Variants in VPS13A observed in about 807,000 individuals in gnomAD.
VPS13A encodes intermembrane lipid transfer protein VPS13A.
A neutral mutation model predicts 390.9 loss-of-function variants in VPS13A; 264 were observed. That is an observed-to-expected ratio of 0.68 (90% CI 0.61 to 0.75). The LOEUF is 0.75. VPS13A is among the 30% of genes least tolerant of loss of function. VPS13A has a pLI of 0.00. For missense variants in VPS13A, 3,409 were observed against 3,733.9 expected, an observed-to-expected ratio of 0.91 and a Z score of 2.27; for synonymous variants, 1,231 against 1,227.1, an observed-to-expected ratio of 1.00 and a Z score of -0.07.
At chr9:77,392,244 A>G (rs530239325) in intron 68 of VPS13A, among the ~76,000 whole-genome samples, 8 of 152,274 alleles carry the variant, frequency 5.3e-5, no homozygotes, top group South Asian at 4.2e-4. Context: ...AGTTTGTGAG[A>G]TATCTAAATC....
chr9:77,373,982 G>T (rs1832936175), intron 67 of VPS13A, among the ~76,000 whole-genome samples: 1 of 152,176 alleles, frequency 6.6e-6, no homozygotes, highest in South Asian at 2.1e-4. Context: ...AGTTTGGCAA[G>T]TTAAGCAAGC....
rs757790024 is a variant in VPS13A, at chr9:77,220,434, AAAT to A, written c.989+54_989+56del. 2.3e-5 allele frequency: 29 copies of A among 1,254,028 alleles called. No individual in the cohort carries two copies. The East Asian group carries it at 6.8e-4, about 29-fold the overall frequency. The allele number at this position is 1,254,028 out of a possible 1,614,324, so 77.7% of individuals were successfully genotyped here. A position where few individuals can be genotyped will look rare whatever the true frequency, so the allele number is the denominator to read the frequency against. ...TTTAGATTTTAAAAATACAACATAA[AAAT>A]AAATTTCTCGACTTCAAGAATAATC... On this transcript the variant is annotated intron_variant, in intron 12 of 71. Coordinates refer to ENST00000360280, the MANE Select transcript of VPS13A (RefSeq NM_033305.3).
chr9:77,283,291 A>G, intron 29 of VPS13A, 64 bp from the exon 30 acceptor site: 1 of 915,064 alleles, frequency 1.1e-6, no homozygotes, highest in South Asian at 1.4e-5. Flanking sequence ...TTACTTTATA[A>G]GTATAGTGAG....
intron 34 of VPS13A, among the ~76,000 whole-genome samples, chr9:77,307,595 A>G (rs1377195173): frequency 6.6e-6 from 1 of 152,238 alleles, no homozygotes; most frequent in Non-Finnish European, 1.5e-5. Context: ...TTTATTCTAC[A>G]TTTGTAAAAT....
At chr9:77,399,860 G>A (rs1587720625) in intron 68 of VPS13A, among the ~76,000 whole-genome samples, 2 of 152,086 alleles carry the variant, frequency 1.3e-5, no homozygotes, top group South Asian at 2.1e-4. Flanking sequence ...ATACATGTAC[G>A]TACAAATATA....
chr9:77,373,624 A>T (rs1004608646), intron 67 of VPS13A, among the ~76,000 whole-genome samples: 11 of 151,022 alleles, frequency 7.3e-5, no homozygotes, highest in Non-Finnish European at 1.6e-4. Context: ...ACAAAAGCCA[A>T]AATTGACAAA....
chr9:77,238,782 T>C (rs1824298379), intron 19 of VPS13A, among the ~76,000 whole-genome samples: 1 of 152,210 alleles, frequency 6.6e-6, no homozygotes, highest in Non-Finnish European at 1.5e-5. Context: ...GATTTCTTCC[T>C]TAAATATTTG....
chr9:77,381,720 A>C (rs1246358182), intron 67 of VPS13A, among the ~76,000 whole-genome samples: 1 of 152,182 alleles, frequency 6.6e-6, no homozygotes, highest in Non-Finnish European at 1.5e-5. Flanking sequence ...TAGACAACGT[A>C]ATAGGAAAAG....
At position 77,400,223 on chromosome 9, in the gene VPS13A, A is replaced by ATTTTTTTTTTTTTTT. The variant is rs34605855; in HGVS notation, c.9190-3005_9190-2991dup. ...ATATTTTCTCATGTTTATCAGTCAG[A>ATTTTTTTTTTTTTTT]TTTTTTTTTTTTTTTTTTTTTTGCT... On this transcript the variant is annotated intron_variant, in intron 68 of 71. Coordinates refer to ENST00000360280, the MANE Select transcript of VPS13A (RefSeq NM_033305.3). Among the ~76,000 whole-genome samples, 45 of 88,112 alleles carry ATTTTTTTTTTTTTTT rather than the reference A, an allele frequency of 5.1e-4. 1 individual carries two copies. The highest frequency in any genetic ancestry group is 1.7e-3 in the African/African-American group (33 of 19,604). 57.8% of individuals were successfully genotyped at this position (88,112 alleles called of 152,430 possible).
chr9:77,240,552 G>T (rs1403757319), intron 19 of VPS13A, among the ~76,000 whole-genome samples: 2 of 142,138 alleles, frequency 1.4e-5, no homozygotes, highest in African/African-American at 5.3e-5. Flanking sequence ...ATCTCGGCTC[G>T]CTGCAACCTC....
intron 23 of VPS13A, among the ~76,000 whole-genome samples, chr9:77,266,520 A>G (rs1384913609): frequency 1.3e-5 from 2 of 152,028 alleles, no homozygotes; most frequent in African/African-American, 4.8e-5. Flanking sequence ...GGGTTTCTGC[A>G]GAGAGCTCTG....
intron 67 of VPS13A, among the ~76,000 whole-genome samples, chr9:77,373,700 A>G (rs1832913561): frequency 6.6e-6 from 1 of 151,592 alleles, no homozygotes; most frequent in Non-Finnish European, 1.5e-5. Flanking sequence ...TGGACAGGCA[A>G]CCTACAAAAT....
rs775734065 is a variant in VPS13A at position 77,369,391 on chromosome 9, A to AT, written c.8653dup (p.Tyr2885LeufsTer2). Reference sequence around the variant, plus strand: ...GAGAATTTTCTGAAGGTGTAGAAGCATTTTTTTATGAACCTTACCAGGTAA... The same window carrying AT: ...GAGAATTTTCTGAAGGTGTAGAAGCATTTTTTTTATGAACCTTACCAGGTAA... On this transcript the variant is annotated frameshift_variant, in exon 63 of 72. Transcript: ENST00000360280. LOFTEE classifies it high-confidence loss of function. 2 of 1,610,126 alleles carry AT rather than the reference A, an allele frequency of 1.2e-6. No homozygotes were observed. The highest frequency in any genetic ancestry group is 1.7e-5 in the Admixed American group (1 of 60,018).
At chr9:77,407,841 C>T (rs1433254286) in intron 71 of VPS13A, among the ~76,000 whole-genome samples, 1 of 152,084 alleles carries the variant, frequency 6.6e-6, no homozygotes, top group Non-Finnish European at 1.5e-5. Context: ...ATTGCTCCAT[C>T]TTATTTTAAA....
intron 54 of VPS13A, among the ~76,000 whole-genome samples, chr9:77,354,754 A>T (rs1831666602): frequency 6.6e-6 from 1 of 152,054 alleles, no homozygotes; most frequent in Non-Finnish European, 1.5e-5. Flanking sequence ...ATTCCACTTC[A>T]CTGAAAAAAT....
intron 33 of VPS13A, among the ~76,000 whole-genome samples, chr9:77,296,134 A>G (rs1827983287): frequency 6.6e-6 from 1 of 152,216 alleles, no homozygotes; most frequent in South Asian, 2.1e-4. Flanking sequence ...TATAAATTAC[A>G]TGGCTATGGA....
intron 68 of VPS13A, among the ~76,000 whole-genome samples, chr9:77,395,170 G>A (rs1212322650): frequency 6.6e-6 from 1 of 152,118 alleles, no homozygotes; most frequent in African/African-American, 2.4e-5. Flanking sequence ...AAGCTTGGTC[G>A]TTTCTAGCTT....
chr9:77,241,655 T>A (rs1038865929), intron 19 of VPS13A, among the ~76,000 whole-genome samples: 7 of 152,180 alleles, frequency 4.6e-5, no homozygotes, highest in African/African-American at 1.7e-4. Context: ...AGAATATTAT[T>A]TGGGAGAATT....
At chr9:77,368,944 G>C (rs1442183572) in intron 62 of VPS13A, among the ~76,000 whole-genome samples, 1 of 152,096 alleles carries the variant, frequency 6.6e-6, no homozygotes, top group Non-Finnish European at 1.5e-5. Context: ...GACCACCCTG[G>C]CCAACATGGC....
Sources: allele counts gnomAD v4.1 joint callset (sites outside exome capture counted in the v4.1 genomes callset), GRCh38; gene constraint gnomAD v4.1.1; transcripts MANE v1.5; gene names NCBI Gene and HGNC (gene_info 2026-07-23, HGNC 2026-07-21).